The following SLC24A2 variants were observed in gnomAD, a reference collection of about 807,000 sequenced individuals.
SLC24A2 encodes sodium/potassium/calcium exchanger 2.
SLC24A2 carries 36 observed loss-of-function variants against 62.0 expected under a neutral mutation model. That is an observed-to-expected ratio of 0.58 (90% CI 0.44 to 0.77). The LOEUF is 0.77. SLC24A2 is among the 30% of genes least tolerant of loss of function. SLC24A2 has a pLI of 0.00. For synonymous variants in SLC24A2, 358 were observed against 294.0 expected, an observed-to-expected ratio of 1.22 and a Z score of -2.23; for missense variants, 846 against 817.9, an observed-to-expected ratio of 1.03 and a Z score of -0.42.
intron 2 of SLC24A2, among the ~76,000 whole-genome samples, chr9:19,690,007 G>C (rs966240943): frequency 6.6e-6 from 1 of 152,080 alleles, no homozygotes; most frequent in African/African-American, 2.4e-5. Flanking sequence ...ACTGCCCTCA[G>C]TGCTCCAATT....
chr9:20,171,813 G>C, the SLC24A2 span, among the ~76,000 whole-genome samples: 1 of 152,028 alleles, frequency 6.6e-6, no homozygotes, highest in African/African-American at 2.4e-5. Context: ...CATCAAGACA[G>C]AAAGTCAACA....
chr9:19,873,404 TTC>T, the SLC24A2 span, among the ~76,000 whole-genome samples: 1 of 150,378 alleles, frequency 6.6e-6, no homozygotes, highest in Non-Finnish European at 1.5e-5. Flanking sequence ...CCTTCCTTCC[TTC>T]TCTTTCTTTC....
chr9:19,662,986 T>C (rs918042425), intron 2 of SLC24A2, among the ~76,000 whole-genome samples: 41 of 152,238 alleles, frequency 2.7e-4, no homozygotes, highest in African/African-American at 9.9e-4. Context: ...TAGCATATGC[T>C]AAACAAAACG....
chr9:20,229,578 T>A, the SLC24A2 span, among the ~76,000 whole-genome samples: 551 of 152,222 alleles, frequency 3.6e-3, 8 homozygotes, highest in African/African-American at 0.012. Flanking sequence ...AAAGTAACAT[T>A]ACTCAGTCCA....
chr9:19,708,776 C>T (rs200740110), intron 2 of SLC24A2, among the ~76,000 whole-genome samples: 1 of 152,090 alleles, frequency 6.6e-6, no homozygotes, highest in East Asian at 1.9e-4. Context: ...TAAAGACTTA[C>T]ATGTTAGACC....
intron 7 of SLC24A2, among the ~76,000 whole-genome samples, chr9:19,556,192 C>T (rs547730587): frequency 2.6e-5 from 4 of 152,302 alleles, no homozygotes; most frequent in Non-Finnish European, 5.9e-5. Context: ...TCCAGATGCT[C>T]ATAGCATCAT....
At position 19,677,315 on chromosome 9, in the gene SLC24A2, AAACT is replaced by A. The variant is rs560996654; in HGVS notation, c.931-55020_931-55017del. Among the ~76,000 whole-genome samples the A allele has an allele frequency of 3.9e-3, 601 of 152,334 alleles. 2 individuals are homozygous for A. The highest frequency in any genetic ancestry group is 0.014 in the African/African-American group (570 of 41,574). ...GGAGCTAGAGGCCATTAGCCTCAGCAAACTAACACAGGGACAGAAAACCAAATAC... is the reference window on the plus strand; with the variant it reads ...GGAGCTAGAGGCCATTAGCCTCAGCAAACACAGGGACAGAAAACCAAATAC... On this transcript the variant is annotated intron_variant, in intron 2 of 10. Transcript: ENST00000341998.
chr9:20,228,192 T>C, the SLC24A2 span, among the ~76,000 whole-genome samples: 3 of 152,172 alleles, frequency 2.0e-5, no homozygotes, highest in Non-Finnish European at 4.4e-5. Flanking sequence ...GATTTGAGAA[T>C]GGAATTTGGA....
intron 2 of SLC24A2, among the ~76,000 whole-genome samples, chr9:19,728,489 C>T (rs1393249877): frequency 6.6e-6 from 1 of 152,068 alleles, no homozygotes; most frequent in East Asian, 1.9e-4. Flanking sequence ...GCTCAGGAGA[C>T]TACACCTTTC....
At chr9:20,100,647 T>G in the SLC24A2 span, among the ~76,000 whole-genome samples, 1 of 152,230 alleles carries the variant, frequency 6.6e-6, no homozygotes, top group Non-Finnish European at 1.5e-5. Flanking sequence ...TTAAATTATG[T>G]AATTCATTAA....
At chr9:19,825,124 A>G in the SLC24A2 span, among the ~76,000 whole-genome samples, 1 of 152,186 alleles carries the variant, frequency 6.6e-6, no homozygotes, top group African/African-American at 2.4e-5. Context: ...ACCATGGCAC[A>G]TGTATACCTA....
intron 5 of SLC24A2, among the ~76,000 whole-genome samples, chr9:19,589,350 A>G (rs899086862): frequency 1.3e-5 from 2 of 152,240 alleles, no homozygotes; most frequent in African/African-American, 4.8e-5. Context: ...GATGCAATTA[A>G]TAACAAAAGC....
At chr9:20,103,187 C>A in the SLC24A2 span, among the ~76,000 whole-genome samples, 2 of 152,338 alleles carry the variant, frequency 1.3e-5, no homozygotes, top group Admixed American at 6.5e-5. Flanking sequence ...GTAAACAAAG[C>A]AACTGGGAAG....
chr9:20,059,359 T>G, the SLC24A2 span, among the ~76,000 whole-genome samples: 2 of 152,180 alleles, frequency 1.3e-5, no homozygotes. Context: ...ATTCTTCTCA[T>G]GTCTACATGG....
chr9:19,978,822 G>A, the SLC24A2 span, among the ~76,000 whole-genome samples: 1 of 152,076 alleles, frequency 6.6e-6, no homozygotes, highest in Non-Finnish European at 1.5e-5. Context: ...AAGGAACAAA[G>A]CTAGAAAGGG....
chr9:20,237,993 T>C, the SLC24A2 span, among the ~76,000 whole-genome samples: 1 of 152,216 alleles, frequency 6.6e-6, no homozygotes, highest in African/African-American at 2.4e-5. Context: ...CCACACTCCA[T>C]GGTGCAGGAC....
the SLC24A2 span, among the ~76,000 whole-genome samples, chr9:19,895,547 T>TTTCTTTC: frequency 2.5e-4 from 10 of 39,286 alleles, no homozygotes; most frequent in Non-Finnish European, 3.0e-4. Context: ...TCTTTCTTTC[T>TTTCTTTC]TTTTTTTTTT....
the SLC24A2 span, among the ~76,000 whole-genome samples, chr9:20,147,934 A>C: frequency 1.2e-4 from 18 of 152,212 alleles, no homozygotes; most frequent in African/African-American, 3.6e-4. Context: ...GGGAAAATTA[A>C]ATGAGGTAAT....
chr9:20,127,599 G>A, the SLC24A2 span, among the ~76,000 whole-genome samples: 4 of 151,976 alleles, frequency 2.6e-5, no homozygotes, highest in Non-Finnish European at 5.9e-5. Flanking sequence ...AACATTTAAT[G>A]TGCAGGTATA....
Sources: gnomAD v4.1 joint callset for allele counts (sites outside exome capture counted in the v4.1 genomes callset) on GRCh38, gnomAD v4.1.1 for gene constraint, MANE v1.5 for transcripts, NCBI Gene and HGNC (gene_info 2026-07-23, HGNC 2026-07-21) for gene names.